SGK1: variants seen among roughly 807,000 people sequenced by gnomAD.
SGK1 encodes serum/glucocorticoid regulated kinase 1, also known as serine/threonine-protein kinase Sgk1.
Under a neutral mutation model 64.2 loss-of-function variants are expected in SGK1, and 26 were observed. The ratio of observed to expected loss-of-function variants is 0.40; its 90% CI spans 0.30 to 0.56. SGK1 has a LOEUF of 0.56. Ranked by LOEUF, SGK1 falls within the 20% of genes least tolerant of loss-of-function variation. SGK1 has a pLI of 0.38. For synonymous variants in SGK1, 265 were observed against 239.7 expected, an observed-to-expected ratio of 1.11 and a Z score of -0.98; for missense variants, 519 against 645.6, an observed-to-expected ratio of 0.80 and a Z score of 2.12.
At chr6:134,311,973 A>T (rs756688331) in intron 1 of SGK1, among the ~76,000 whole-genome samples, 12 of 152,174 alleles carry the variant, frequency 7.9e-5, no homozygotes, top group Admixed American at 3.3e-4. Flanking sequence ...AACAACATCA[A>T]CAACAACAAC....
intron 2 of SGK1, among the ~76,000 whole-genome samples, chr6:134,255,394 G>A (rs1776668045): frequency 6.6e-6 from 1 of 151,800 alleles, no homozygotes; most frequent in Non-Finnish European, 1.5e-5. Context: ...AAAGGTAAGA[G>A]ATTCCCAGCT....
At chr6:134,204,365 TTG>T (rs1309050117) in intron 3 of SGK1, among the ~76,000 whole-genome samples, 1 of 151,582 alleles carries the variant, frequency 6.6e-6, no homozygotes, top group Non-Finnish European at 1.5e-5. Context: ...ACTCCATTCT[TTG>T]TAACACTACT....
chr6:134,251,250 T>C (rs1489499472), intron 2 of SGK1, among the ~76,000 whole-genome samples: 1 of 152,240 alleles, frequency 6.6e-6, no homozygotes, highest in African/African-American at 2.4e-5. Flanking sequence ...TGAATTGGCA[T>C]GCAGTTAAAC....
chr6:134,251,617 C>A (rs1382222145), intron 2 of SGK1, among the ~76,000 whole-genome samples: 1 of 152,104 alleles, frequency 6.6e-6, no homozygotes, highest in African/African-American at 2.4e-5. Flanking sequence ...GGGAACGCGG[C>A]ACACTGGTGG....
intron 3 of SGK1, among the ~76,000 whole-genome samples, chr6:134,175,159 C>T (rs1245674098): frequency 6.6e-6 from 1 of 152,166 alleles, no homozygotes; most frequent in African/African-American, 2.4e-5. Context: ...GCGGGGAGGG[C>T]CGGAGAGCCC....
intron 1 of SGK1, among the ~76,000 whole-genome samples, chr6:134,268,958 A>G (rs1233401236): frequency 6.8e-6 from 1 of 146,262 alleles, no homozygotes; most frequent in Non-Finnish European, 1.5e-5. Flanking sequence ...AAAAAAAAAA[A>G]AAAAAGCCAT....
chr6:134,179,888 AG>A (rs1775305630), intron 3 of SGK1, among the ~76,000 whole-genome samples: 1 of 152,188 alleles, frequency 6.6e-6, no homozygotes, highest in South Asian at 2.1e-4. Context: ...TATGTCATTC[AG>A]GGGATAAATT....
chr6:134,175,246 G>C (rs1198446358), intron 3 of SGK1, among the ~76,000 whole-genome samples: 6 of 152,206 alleles, frequency 3.9e-5, no homozygotes, highest in Admixed American at 3.9e-4. Context: ...GCTTCCCGGC[G>C]GGTGCGCGGC....
At chr6:134,236,840 C>CAA (rs11424366) in intron 2 of SGK1, among the ~76,000 whole-genome samples, 1 of 151,832 alleles carries the variant, frequency 6.6e-6, no homozygotes, top group Admixed American at 6.6e-5. Context: ...CTCCCCTTCT[C>CAA]AAAAAATCAA....
intron 2 of SGK1, among the ~76,000 whole-genome samples, chr6:134,256,211 T>C (rs192722317): frequency 6.6e-6 from 1 of 152,264 alleles, no homozygotes; most frequent in Non-Finnish European, 1.5e-5. Context: ...TAGTTTACAA[T>C]GTCCCCAGCT....
intron 1 of SGK1, among the ~76,000 whole-genome samples, chr6:134,286,476 ATAT>A (rs1276743736): frequency 3.4e-5 from 5 of 148,566 alleles, no homozygotes; most frequent in Non-Finnish European, 4.5e-5. Flanking sequence ...ACAAAATACA[ATAT>A]TTTTTTTTTT....
intron 2 of SGK1, among the ~76,000 whole-genome samples, chr6:134,255,027 C>G (rs1776659991): frequency 6.6e-6 from 1 of 152,126 alleles, no homozygotes; most frequent in South Asian, 2.1e-4. Flanking sequence ...CGCCACCACG[C>G]CTGGCTAATT....
chr6:134,170,210 C>T lies in SGK1; in HGVS notation c.*58G>A. On this transcript the variant is annotated 3_prime_UTR_variant, in exon 14 of 14. Coordinates refer to ENST00000367858, the MANE Select transcript of SGK1 (RefSeq NM_001143676.3). ...GTCAGCTGGCGGCTCCACCAAAAGG[C>T]TAACTAAAACATTCGGAAACACACA... is the stretch of plus-strand genomic sequence containing the variant. 3.4e-6 allele frequency: 5 copies of T among 1,467,968 alleles called. No individual in the cohort carries two copies. Among genetic ancestry groups the T allele is most frequent in the Non-Finnish European group, 4.6e-6 (5 of 1,077,082 alleles). The allele number at this position is 1,467,968 out of a possible 1,614,324, so 90.9% of individuals were successfully genotyped here.
intron 1 of SGK1, 67 bp downstream of exon 1, chr6:134,317,325 G>A (rs1777701050): frequency 1.9e-6 from 2 of 1,028,454 alleles, no homozygotes; most frequent in Non-Finnish European, 3.1e-6. Context: ...GCTTACTTCA[G>A]GCAAACATTC....
At chr6:134,244,772 C>T (rs997716353) in intron 2 of SGK1, among the ~76,000 whole-genome samples, 11 of 152,136 alleles carry the variant, frequency 7.2e-5, no homozygotes, top group Admixed American at 1.3e-4. Flanking sequence ...CCATCTTGCC[C>T]GGGAATCTTA....
At chr6:134,237,978 A>C (rs1776389565) in intron 2 of SGK1, among the ~76,000 whole-genome samples, 1 of 152,214 alleles carries the variant, frequency 6.6e-6, no homozygotes, top group South Asian at 2.1e-4. Context: ...AAAAGTGTGT[A>C]AAAAACATCT....
At chr6:134,272,172 G>T in intron 1 of SGK1, among the ~76,000 whole-genome samples, 1 of 124,904 alleles carries the variant, frequency 8.0e-6, no homozygotes, top group African/African-American at 3.0e-5. Context: ...ACGGACTCTT[G>T]CTCTGTTGCC....
At chr6:134,205,040 G>C (rs1283608998) in intron 3 of SGK1, among the ~76,000 whole-genome samples, 2 of 150,110 alleles carry the variant, frequency 1.3e-5, no homozygotes, top group African/African-American at 2.5e-5. Context: ...TATTAAGAAA[G>C]TAAAGGAATA....
chr6:134,248,443 GCC>G (rs1776557554), intron 2 of SGK1, among the ~76,000 whole-genome samples: 2 of 128,210 alleles, frequency 1.6e-5, no homozygotes. Context: ...GCTCTCCTCC[GCC>G]TTTTTTTTTT....
Sources: gnomAD v4.1 joint callset for allele counts (sites outside exome capture counted in the v4.1 genomes callset) on GRCh38, gnomAD v4.1.1 for gene constraint, MANE v1.5 for transcripts, NCBI Gene and HGNC (gene_info 2026-07-23, HGNC 2026-07-21) for gene names.